WRN: variants seen among roughly 807,000 people sequenced by gnomAD.
The protein encoded by WRN is bifunctional 3'-5' exonuclease/ATP-dependent helicase WRN.
A neutral mutation model predicts 180.7 loss-of-function variants in WRN; 149 were observed. That is an observed-to-expected ratio of 0.82 (90% CI 0.72 to 0.94). WRN has a LOEUF of 0.94. Ranked by LOEUF, WRN falls within the 40% of genes least tolerant of loss-of-function variation. WRN has a pLI of 0.00. For missense variants in WRN, 1,661 were observed against 1,700.1 expected (o/e 0.98, Z 0.40); for synonymous variants, 548 against 568.9 (o/e 0.96, Z 0.52).
intron 1 of WRN, among the ~76,000 whole-genome samples, chr8:31,045,488 C>T (rs555114954): frequency 7.2e-5 from 11 of 151,864 alleles, no homozygotes; most frequent in East Asian, 1.9e-4. Flanking sequence ...CTGCAACCTC[C>T]GCCTCCCAGG....
In WRN at chr8:31,174,667, C is replaced by G. The variant is rs1804211886; in HGVS notation, c.*1565C>G. 6.6e-6 allele frequency among the ~76,000 whole-genome samples: 1 copy of G among 152,116 alleles called. No homozygotes were observed. The highest frequency in any genetic ancestry group is 1.9e-4 in the East Asian group (1 of 5,192). The stretch of plus-strand genomic sequence containing the variant: ...CTTCTCTTTCTCTTCGCTTTCACTA[C>G]TACTACTACTAATTCTTCTTCTGAT... On this transcript the variant is annotated 3_prime_UTR_variant, in exon 35 of 35. Transcript: ENST00000298139.
At chr8:31,112,767 T>A (rs958035113) in intron 19 of WRN, among the ~76,000 whole-genome samples, 36 of 152,024 alleles carry the variant, frequency 2.4e-4, no homozygotes, top group Admixed American at 1.5e-3. Flanking sequence ...TTGTATTTTT[T>A]AGTGGAGACG....
chr8:31,126,701 C>T (rs1434910093), intron 23 of WRN, among the ~76,000 whole-genome samples: 1 of 152,052 alleles, frequency 6.6e-6, no homozygotes, highest in Non-Finnish European at 1.5e-5. Flanking sequence ...CAGAGTGAGA[C>T]CCTATGTCAA....
chr8:31,087,846 T>C lies in WRN; in HGVS notation c.1502T>C (p.Leu501Pro). 6.2e-7 allele frequency: 1 copy of C among 1,613,794 alleles called. No homozygotes were observed. The highest frequency in any genetic ancestry group is 1.3e-5 in the African/African-American group (1 of 75,036). The change falls in exon 12 of 35, where the codon CTG becomes CCG. Residue 501 changes from leucine (L) to proline (P), a missense_variant. Physicochemically the swap from Leu to Pro is moderately conservative, Grantham distance 98 (BLOSUM62 -3). Transcript: ENST00000298139. The stretch of plus-strand genomic sequence containing the variant: ...AAATGCTTAAAAATGGAAAGAAATC[T>C]GGGTCTTCCTACTAAAGAAGAAGAA... ...HSKCLKMERN[L>P]GLPTKEEEED...
At chr8:31,087,659 C>G in intron 11 of WRN, 117 bp from the exon 12 acceptor site, 1 of 1,000,032 alleles carries the variant, frequency 1.0e-6, no homozygotes, top group Non-Finnish European at 1.5e-6. Context: ...ATGGCTTGCA[C>G]ATCTGCCAGC....
intron 1 of WRN, among the ~76,000 whole-genome samples, chr8:31,052,240 C>G (rs1812103816): frequency 6.6e-6 from 1 of 152,110 alleles, no homozygotes; most frequent in African/African-American, 2.4e-5. Flanking sequence ...AAAAGGAATG[C>G]ATGTTCTTAT....
At chr8:31,156,920 T>A (rs923679299) in intron 32 of WRN, among the ~76,000 whole-genome samples, 1 of 152,222 alleles carries the variant, frequency 6.6e-6, no homozygotes, top group Non-Finnish European at 1.5e-5. Flanking sequence ...TGGAGCCTTA[T>A]GTTATCTCTA....
At position 31,170,926 on chromosome 8, in the gene WRN, GAAGAT is replaced by G. The variant is rs1195879610; in HGVS notation, c.4192-2064_4192-2060del. Among the ~76,000 whole-genome samples the G allele has an allele frequency of 1.4e-4, 22 of 152,204 alleles. 1 individual carries two copies. In the East Asian group the frequency reaches 4.2e-3, roughly 29 times the overall value. On this transcript the variant is annotated intron_variant, in intron 34 of 34. Coordinates refer to ENST00000298139, the MANE Select transcript of WRN (RefSeq NM_000553.6). ...TGATGATCATATTTATAGAAATATA[GAAGAT>G]AAGACTTGAAATGATATTCGCTACC...
intron 20 of WRN, among the ~76,000 whole-genome samples, chr8:31,119,288 A>T (rs1181056345): frequency 6.6e-6 from 1 of 151,804 alleles, no homozygotes; most frequent in East Asian, 1.9e-4. Context: ...ACAGTAAAAA[A>T]CTTCAAGGCC....
rs1409297579 is a variant in WRN at position 31,058,420 on chromosome 8, T to C, written c.-28T>C. The C allele has an allele frequency of 2.5e-6, 4 of 1,599,166 alleles. No individual in the cohort carries two copies. Among genetic ancestry groups the C allele is most frequent in the African/African-American group, 2.7e-5 (2 of 74,578 alleles). Reference sequence around the variant, plus strand: ...ATTTACCCATGAAGACATTGTTTTTTGGACTCTGCAAATAGGACATTTCAA... The same window carrying C: ...ATTTACCCATGAAGACATTGTTTTTCGGACTCTGCAAATAGGACATTTCAA... On this transcript the variant is annotated 5_prime_UTR_variant, in exon 2 of 35. Transcript: ENST00000298139.
In WRN at chr8:31,111,171, C is replaced by T. The variant is rs73583720; in HGVS notation, c.2089-444C>T. 8.6e-5 allele frequency among the ~76,000 whole-genome samples: 13 copies of T among 151,404 alleles called. No individual in the cohort carries two copies. In the East Asian group the frequency reaches 9.7e-4, roughly 11 times the overall value. On this transcript the variant is annotated intron_variant, in intron 18 of 34. Coordinates refer to ENST00000298139, the MANE Select transcript of WRN (RefSeq NM_000553.6). ...TTTAAAATAGGAGGCCAAAAAAAAA[C>T]GACCATTGCTTTATATAGTTAGATT...
chr8:31,073,265 G>A (rs555363202), intron 7 of WRN, among the ~76,000 whole-genome samples: 105 of 152,328 alleles, frequency 6.9e-4, no homozygotes, highest in Non-Finnish European at 1.2e-3. Flanking sequence ...GGATTAGGCG[G>A]GTAGCAATAG....
intron 32 of WRN, 69 bp from the exon 33 acceptor site, chr8:31,157,299 A>G (rs1205078989): frequency 7.5e-6 from 12 of 1,599,066 alleles, no homozygotes; most frequent in African/African-American, 1.3e-5. Flanking sequence ...AATGTTTTGG[A>G]CATTTTATTT....
At position 31,049,234 on chromosome 8, in the gene WRN, A is replaced by AAG. The variant is rs1554517028; in HGVS notation, c.-76-9137_-76-9136insGA. Among the ~76,000 whole-genome samples the AAG allele has an allele frequency of 2.3e-3, 351 of 149,868 alleles. 1 individual carries two copies. Among genetic ancestry groups the AAG allele is most frequent in the Non-Finnish European group, 4.2e-3 (283 of 67,184 alleles). On this transcript the variant is annotated intron_variant, in intron 1 of 34. Transcript: ENST00000298139. ...TCAAAAAAAAAAAAAAAAAAAAAAA[A>AAG]AAAGAAAGAAAATAGGCCCAGCAAG...
chr8:31,174,666 A>G lies in WRN; in HGVS notation c.*1564A>G, dbSNP rs981798310. Among the ~76,000 whole-genome samples the G allele has an allele frequency of 1.3e-5, 2 of 151,668 alleles. No homozygotes were observed. The highest frequency in any genetic ancestry group is 2.4e-5 in the African/African-American group (1 of 41,274). ...ACTTCTCTTTCTCTTCGCTTTCACT[A>G]CTACTACTACTAATTCTTCTTCTGA... On this transcript the variant is annotated 3_prime_UTR_variant, in exon 35 of 35. Coordinates refer to ENST00000298139, the MANE Select transcript of WRN (RefSeq NM_000553.6).
intron 28 of WRN, 120 bp from the exon 29 acceptor site, chr8:31,146,915 AACAAATTACCTTACTGGT>A: frequency 1.5e-6 from 1 of 682,974 alleles, no homozygotes; most frequent in Non-Finnish European, 2.4e-6. Flanking sequence ...TCATTTAAAT[AACAAATTACCTTACTGGT>A]ATCATGAAGA....
intron 2 of WRN, 57 bp downstream of exon 2, chr8:31,058,600 G>T (rs1812367103): frequency 8.5e-6 from 13 of 1,534,068 alleles, no homozygotes; most frequent in Non-Finnish European, 1.2e-5. Context: ...ATTTGACTGT[G>T]CAAAGAGTCA....
chr8:31,041,782 T>G (rs1325484741), intron 1 of WRN, among the ~76,000 whole-genome samples: 4 of 152,156 alleles, frequency 2.6e-5, no homozygotes, highest in African/African-American at 9.7e-5. Flanking sequence ...AGGGCCCACT[T>G]GAGGCTGGTG....
At chr8:31,142,939 C>G (rs1364048778) in intron 27 of WRN, among the ~76,000 whole-genome samples, 1 of 151,868 alleles carries the variant, frequency 6.6e-6, no homozygotes, top group African/African-American at 2.4e-5. Flanking sequence ...TTAAACCTAT[C>G]TGCTAACTCA....
Sources: allele counts gnomAD v4.1 joint callset (sites outside exome capture counted in the v4.1 genomes callset), GRCh38; gene constraint gnomAD v4.1.1; transcripts MANE v1.5; gene names NCBI Gene and HGNC (gene_info 2026-07-23, HGNC 2026-07-21).